The following COG5 variants were observed in gnomAD, a reference collection of about 807,000 sequenced individuals.
COG5 encodes the protein conserved oligomeric Golgi complex subunit 5.
COG5 carries 86 observed loss-of-function variants against 110.4 expected under a neutral mutation model. That is an observed-to-expected ratio of 0.78 (90% CI 0.65 to 0.93). COG5 has a LOEUF of 0.93. COG5 is among the 40% of genes least tolerant of loss of function. COG5 has a pLI of 0.00. For missense variants in COG5, 1,077 were observed against 987.0 expected (o/e 1.09, Z -1.22); for synonymous variants, 360 against 334.6 (o/e 1.08, Z -0.83).
At chr7:107,536,285 G>T (rs1228868495) in intron 5 of COG5, among the ~76,000 whole-genome samples, 1 of 152,186 alleles carries the variant, frequency 6.6e-6, no homozygotes, top group African/African-American at 2.4e-5. Flanking sequence ...TCAGGCAAGA[G>T]AAAGAAATAA....
chr7:107,344,163 C>A (rs1304137330), intron 10 of COG5, among the ~76,000 whole-genome samples: 1 of 152,180 alleles, frequency 6.6e-6, no homozygotes, highest in Non-Finnish European at 1.5e-5. Context: ...TAGTTGGCAT[C>A]TTCTTCTAAG....
intron 6 of COG5, among the ~76,000 whole-genome samples, chr7:107,416,743 A>G (rs1318326871): frequency 6.6e-6 from 1 of 152,194 alleles, no homozygotes; most frequent in African/African-American, 2.4e-5. Flanking sequence ...AATAAGACAA[A>G]TCAGTTAAAA....
At chr7:107,505,746 C>T (rs186638948) in intron 6 of COG5, among the ~76,000 whole-genome samples, 1 of 152,336 alleles carries the variant, frequency 6.6e-6, no homozygotes, top group Admixed American at 6.5e-5. Context: ...GGCCTCCCGC[C>T]TGGGTTCTTT....
chr7:107,208,928 G>A (rs930971592), intron 21 of COG5: 44 of 984,750 alleles, frequency 4.5e-5, no homozygotes, highest in Non-Finnish European at 5.2e-5. Flanking sequence ...AGGGGTTCAC[G>A]CCCTTGGCTG....
intron 6 of COG5, among the ~76,000 whole-genome samples, chr7:107,439,231 T>C (rs1192881596): frequency 6.6e-6 from 1 of 152,068 alleles, no homozygotes; most frequent in Non-Finnish European, 1.5e-5. Flanking sequence ...CTCTACGCAA[T>C]CATTCCCATC....
intron 11 of COG5, among the ~76,000 whole-genome samples, chr7:107,304,310 T>C (rs74584447): frequency 0.16 from 24,447 of 152,186 alleles, 2,357 homozygotes; most frequent in Non-Finnish European, 0.22. Context: ...CCTTCTTTTA[T>C]TTTCTTCCCT....
intron 6 of COG5, among the ~76,000 whole-genome samples, chr7:107,508,347 T>C (rs1044912333): frequency 3.9e-5 from 6 of 152,198 alleles, no homozygotes; most frequent in Non-Finnish European, 8.8e-5. Context: ...CGCCTGCCAT[T>C]GCCCAGGCTT....
chr7:107,507,640 A>C (rs1799127785), intron 6 of COG5, among the ~76,000 whole-genome samples: 1 of 151,896 alleles, frequency 6.6e-6, no homozygotes, highest in Non-Finnish European at 1.5e-5. Context: ...ACCAACTGCA[A>C]CATATTATAG....
At position 107,362,067 on chromosome 7, in the gene COG5, A is replaced by T. The variant is rs760038220; in HGVS notation, c.992T>A (p.Val331Asp). The T allele has an allele frequency of 1.9e-6, 3 of 1,609,088 alleles. No individual in the cohort carries two copies. The highest frequency in any genetic ancestry group is 2.6e-6 in the Non-Finnish European group (3 of 1,176,068). Residue 331 changes from valine to aspartate, a missense_variant, in exon 10 of 22, where the codon GTT becomes GAT. By Grantham distance (152) the Val-to-Asp change is radical. Transcript: ENST00000297135. ...QKVLAKKRDP[V>D]SHICFIEEIV... is the part of the protein sequence containing the mutation. ...TTCTTCAATGAAACAAATGTGAGAA[A>T]CAGGATCTCTCTTCTTGGCCAATAC...
chr7:107,379,800 A>G (rs932896713), intron 7 of COG5, among the ~76,000 whole-genome samples: 7 of 152,136 alleles, frequency 4.6e-5, no homozygotes, highest in African/African-American at 1.7e-4. Flanking sequence ...AGAGACCTAC[A>G]AAGAGACTTA....
intron 6 of COG5, among the ~76,000 whole-genome samples, chr7:107,477,593 A>C (rs1042479836): frequency 2.6e-5 from 4 of 151,852 alleles, no homozygotes; most frequent in Non-Finnish European, 5.9e-5. Context: ...ACCATCCGTA[A>C]TGATCTTTCA....
At chr7:107,476,184 T>TAAAAAAAAAAAAAA (rs34741713) in intron 6 of COG5, among the ~76,000 whole-genome samples, 2 of 44,052 alleles carry the variant, frequency 4.5e-5, no homozygotes, top group African/African-American at 1.0e-4. Flanking sequence ...GCAATGATTT[T>TAAAAAAAAAAAAAA]AAAAAAAAAA....
chr7:107,538,697 CAT>C (rs1801764688), intron 5 of COG5, among the ~76,000 whole-genome samples: 1 of 150,014 alleles, frequency 6.7e-6, no homozygotes, highest in Admixed American at 6.7e-5. Flanking sequence ...AAATGTTAAA[CAT>C]AGAGTTAGCA....
chr7:107,278,660 A>C (rs1250332987), intron 14 of COG5, among the ~76,000 whole-genome samples: 1 of 152,142 alleles, frequency 6.6e-6, no homozygotes, highest in Non-Finnish European at 1.5e-5. Context: ...GATCTTTCAC[A>C]AACCTGACAA....
chr7:107,493,411 A>G (rs140762930), intron 6 of COG5, among the ~76,000 whole-genome samples: 250 of 152,330 alleles, frequency 1.6e-3, no homozygotes, highest in African/African-American at 5.7e-3. Flanking sequence ...ATTAAATATT[A>G]CCACTATGAG....
At chr7:107,491,882 G>A (rs1797993240) in intron 6 of COG5, among the ~76,000 whole-genome samples, 1 of 150,802 alleles carries the variant, frequency 6.6e-6, no homozygotes, top group Non-Finnish European at 1.5e-5. Context: ...CCCTGCCCCT[G>A]TAGCCAGATC....
intron 8 of COG5, among the ~76,000 whole-genome samples, chr7:107,363,319 A>G (rs1186344931): frequency 6.6e-6 from 1 of 152,238 alleles, no homozygotes; most frequent in Non-Finnish European, 1.5e-5. Flanking sequence ...TGAATGTGGT[A>G]GATATTGTGC....
chr7:107,288,884 T>G (rs1201735562), intron 12 of COG5, among the ~76,000 whole-genome samples: 2 of 132,420 alleles, frequency 1.5e-5, no homozygotes, highest in African/African-American at 2.8e-5. Flanking sequence ...GCATGAAGAT[T>G]TGCCCCTATG....
At chr7:107,255,178 C>A (rs139562962) in intron 16 of COG5, among the ~76,000 whole-genome samples, 1 of 152,080 alleles carries the variant, frequency 6.6e-6, no homozygotes, top group Non-Finnish European at 1.5e-5. Flanking sequence ...TATCCATTCC[C>A]GGTCTGGAAC....
Sources: gnomAD v4.1 joint callset for allele counts (sites outside exome capture counted in the v4.1 genomes callset) on GRCh38, gnomAD v4.1.1 for gene constraint, MANE v1.5 for transcripts, NCBI Gene and HGNC (gene_info 2026-07-23, HGNC 2026-07-21) for gene names.